Variants in KCNIP4 observed in about 807,000 individuals in gnomAD.
KCNIP4 encodes potassium voltage-gated channel interacting protein 4.
In KCNIP4, 12 loss-of-function variants were observed where a neutral mutation model predicts 34.0. The ratio of observed to expected loss-of-function variants is 0.35; its 90% CI spans 0.23 to 0.57. KCNIP4 has a LOEUF of 0.57. Ranked by LOEUF, KCNIP4 falls within the 20% of genes least tolerant of loss-of-function variation. The pLI, the probability that KCNIP4 is intolerant of heterozygous loss-of-function variation, is 0.83. For synonymous variants in KCNIP4, 124 were observed against 102.2 expected (o/e 1.21, Z -1.29); for missense variants, 238 against 311.7 (o/e 0.76, Z 1.78).
At chr4:21,329,873 C>T (rs1715453558) in intron 1 of KCNIP4, among the ~76,000 whole-genome samples, 1 of 152,136 alleles carries the variant, frequency 6.6e-6, no homozygotes, top group Non-Finnish European at 1.5e-5. Context: ...TAAAAACAAC[C>T]TAAAAATGTC....
At chr4:20,752,891 A>G (rs1437974647) in intron 4 of KCNIP4, 1 of 152,360 alleles carries the variant, frequency 6.6e-6, no homozygotes, top group East Asian at 1.9e-4. Flanking sequence ...AATATTTGTT[A>G]AAAGAGTGAT....
intron 2 of KCNIP4, among the ~76,000 whole-genome samples, chr4:20,854,017 A>G (rs918190047): frequency 6.6e-6 from 1 of 152,152 alleles, no homozygotes; most frequent in Non-Finnish European, 1.5e-5. Flanking sequence ...TGCGGTGAAC[A>G]GGGAACACTT....
At chr4:21,938,454 T>C (rs1466107139) in intron 1 of KCNIP4, among the ~76,000 whole-genome samples, 1 of 152,190 alleles carries the variant, frequency 6.6e-6, no homozygotes, top group East Asian at 1.9e-4. Flanking sequence ...CCCCATGATA[T>C]GAAGGAGTAG....
chr4:21,039,444 TA>T (rs1741759373), intron 1 of KCNIP4, among the ~76,000 whole-genome samples: 1 of 152,058 alleles, frequency 6.6e-6, no homozygotes. Flanking sequence ...CAGATAGCCT[TA>T]ATTTAAGGGC....
At chr4:21,006,787 G>A (rs1240028021) in intron 1 of KCNIP4, among the ~76,000 whole-genome samples, 1 of 152,194 alleles carries the variant, frequency 6.6e-6, no homozygotes, top group Non-Finnish European at 1.5e-5. Context: ...AACACAGCAT[G>A]GAAGTCTGAT....
chr4:20,936,210 G>A (rs1047012258), intron 1 of KCNIP4, among the ~76,000 whole-genome samples: 2 of 152,114 alleles, frequency 1.3e-5, no homozygotes, highest in African/African-American at 4.8e-5. Flanking sequence ...GGTGGTGAAA[G>A]CAAAGGGGCT....
intron 1 of KCNIP4, among the ~76,000 whole-genome samples, chr4:21,116,860 G>GA (rs2109121022): frequency 6.6e-6 from 1 of 151,966 alleles, no homozygotes; most frequent in East Asian, 1.9e-4. Flanking sequence ...TTCATAACCA[G>GA]AAAAATATAA....
chr4:21,883,162 T>G (rs1288217021), intron 1 of KCNIP4, among the ~76,000 whole-genome samples: 8 of 150,634 alleles, frequency 5.3e-5, no homozygotes, highest in Non-Finnish European at 8.9e-5. Context: ...AGTTGTTGTT[T>G]TTTTTTTTTT....
chr4:21,907,112 A>G (rs187302405), intron 1 of KCNIP4, among the ~76,000 whole-genome samples: 14 of 152,216 alleles, frequency 9.2e-5, no homozygotes, highest in Admixed American at 2.0e-4. Context: ...CACGTGCTGG[A>G]AATGGGGTTC....
intron 1 of KCNIP4, among the ~76,000 whole-genome samples, chr4:21,269,879 G>C (rs1762036730): frequency 6.6e-6 from 1 of 152,246 alleles, no homozygotes; most frequent in Non-Finnish European, 1.5e-5. Flanking sequence ...CTCATTACCT[G>C]TATGATTTTA....
intron 1 of KCNIP4, among the ~76,000 whole-genome samples, chr4:21,319,123 A>T (rs1056071824): frequency 6.6e-6 from 1 of 152,212 alleles, no homozygotes; most frequent in Non-Finnish European, 1.5e-5. Flanking sequence ...CCTGGCACTT[A>T]GGGCCTGCTC....
intron 1 of KCNIP4, among the ~76,000 whole-genome samples, chr4:21,805,081 G>A (rs1560727642): frequency 6.6e-6 from 1 of 152,212 alleles, no homozygotes; most frequent in East Asian, 1.9e-4. Context: ...TGAGAAGGCA[G>A]AAGGACATAC....
At chr4:21,815,239 G>A (rs181019146) in intron 1 of KCNIP4, among the ~76,000 whole-genome samples, 8 of 152,224 alleles carry the variant, frequency 5.3e-5, no homozygotes, top group Admixed American at 5.2e-4. Flanking sequence ...AACCTCATCT[G>A]TAAAAAGGGG....
At chr4:21,235,300 C>T (rs947279069) in intron 1 of KCNIP4, among the ~76,000 whole-genome samples, 49 of 152,142 alleles carry the variant, frequency 3.2e-4, no homozygotes, top group African/African-American at 1.1e-3. Flanking sequence ...CAGGATAAGG[C>T]TCCTGTGCTG....
chr4:21,233,880 AACT>A (rs1237415535), intron 1 of KCNIP4, among the ~76,000 whole-genome samples: 1 of 140,058 alleles, frequency 7.1e-6, no homozygotes, highest in Non-Finnish European at 1.5e-5. Flanking sequence ...AGATATCCAT[AACT>A]AATATATATC....
intron 1 of KCNIP4, among the ~76,000 whole-genome samples, chr4:21,311,751 C>A (rs554171531): frequency 1.3e-5 from 2 of 152,216 alleles, no homozygotes; most frequent in South Asian, 4.2e-4. Context: ...TATTTGAGGA[C>A]ATCTTTGTCA....
intron 1 of KCNIP4, among the ~76,000 whole-genome samples, chr4:21,271,128 T>C (rs1479044354): frequency 6.6e-6 from 1 of 152,188 alleles, no homozygotes; most frequent in African/African-American, 2.4e-5. Flanking sequence ...CCTGAAATAC[T>C]GGTACTTTCC....
intron 1 of KCNIP4, among the ~76,000 whole-genome samples, chr4:20,963,291 C>A: frequency 6.6e-6 from 1 of 151,610 alleles, no homozygotes; most frequent in Admixed American, 6.6e-5. Context: ...TGCACCACTG[C>A]ACTCCAGCCT....
Position 21,262,387 on chromosome 4 carries a change from A to G in KCNIP4, c.62-379678T>C, listed in dbSNP as rs80108975. Among the ~76,000 whole-genome samples, 491 of 152,288 alleles carry G rather than the reference A, an allele frequency of 3.2e-3. 9 individuals carry two copies. The East Asian group carries it at 0.075, about 23-fold the overall frequency. ...GGAGGATGACCTTCAGGCTTCCAGA[A>G]TGCCTTTGACTGTACATGGAGAGCC... On this transcript the variant is annotated intron_variant, in intron 1 of 8. Transcript: ENST00000382152.
Sources: gnomAD v4.1 joint callset for allele counts (sites outside exome capture counted in the v4.1 genomes callset) on GRCh38, gnomAD v4.1.1 for gene constraint, MANE v1.5 for transcripts, NCBI Gene and HGNC (gene_info 2026-07-23, HGNC 2026-07-21) for gene names.